The following NEK10 variants were observed in gnomAD, a reference collection of about 807,000 sequenced individuals.
NEK10 encodes the protein serine/threonine-protein kinase Nek10.
Under a neutral mutation model 159.8 loss-of-function variants are expected in NEK10, and 122 were observed. That is an observed-to-expected ratio of 0.76 (90% confidence interval 0.66 to 0.89). The LOEUF is 0.89. Ranked by LOEUF, NEK10 falls within the 40% of genes least tolerant of loss-of-function variation. The pLI is 0.00. For missense variants in NEK10, 1,342 were observed against 1,323.1 expected, an observed-to-expected ratio of 1.01 and a Z score of -0.22; for synonymous variants, 466 against 457.1, an observed-to-expected ratio of 1.02 and a Z score of -0.25.
intron 23 of NEK10, chr3:27,206,674 A>G: frequency 1.0e-6 from 1 of 971,064 alleles, no homozygotes; most frequent in Non-Finnish European, 1.2e-6. Context: ...TCAAGTGCGC[A>G]CAGAGATGAA....
In NEK10 at chr3:27,272,137, T is replaced by C. The variant is rs1042955112; in HGVS notation, c.2014+12465A>G. Among the ~76,000 whole-genome samples, 12 of 152,260 alleles carry C rather than the reference T, an allele frequency of 7.9e-5. No individual in the cohort carries two copies. In the South Asian group the frequency reaches 1.9e-3, roughly 24 times the overall value. On this transcript the variant is annotated intron_variant, in intron 22 of 35. Transcript: ENST00000691995. ...TAGATGCAAGGTATTCCCAACCCTA[T>C]CCACAGGGAACCCAGCTGTTCACAA... is the stretch of plus-strand genomic sequence containing the variant.
At chr3:27,335,577 T>C (rs1307156307) in intron 5 of NEK10, among the ~76,000 whole-genome samples, 3 of 152,172 alleles carry the variant, frequency 2.0e-5, no homozygotes, top group Non-Finnish European at 4.4e-5. Flanking sequence ...TTCTCCTCAG[T>C]ACATAGAACA....
At chr3:27,259,532 T>C (rs1007388264) in intron 22 of NEK10, among the ~76,000 whole-genome samples, 5 of 152,340 alleles carry the variant, frequency 3.3e-5, no homozygotes, top group South Asian at 4.1e-4. Flanking sequence ...TGGTTGTAGA[T>C]ATGCGGCATT....
intron 11 of NEK10, among the ~76,000 whole-genome samples, chr3:27,306,305 T>C (rs1259533858): frequency 6.6e-6 from 1 of 152,158 alleles, no homozygotes; most frequent in East Asian, 1.9e-4. Flanking sequence ...TATAAATCCC[T>C]CTTTCATCTA....
intron 5 of NEK10, among the ~76,000 whole-genome samples, chr3:27,330,127 G>C (rs2046294774): frequency 7.4e-6 from 1 of 135,496 alleles, no homozygotes; most frequent in African/African-American, 2.5e-5. Flanking sequence ...AGAACCCTTG[G>C]ATATCAAGGG....
At chr3:27,130,666 AAATAAG>A (rs970934888) in intron 32 of NEK10, among the ~76,000 whole-genome samples, 2 of 152,198 alleles carry the variant, frequency 1.3e-5, no homozygotes, top group African/African-American at 2.4e-5. Context: ...TAAGAATATA[AAATAAG>A]AATAAGAGTT....
intron 23 of NEK10, among the ~76,000 whole-genome samples, chr3:27,243,626 C>A (rs1287474230): frequency 1.3e-5 from 2 of 152,064 alleles, no homozygotes; most frequent in Admixed American, 6.5e-5. Context: ...TTATAAAATT[C>A]TTAGTTAGTG....
intron 31 of NEK10, among the ~76,000 whole-genome samples, chr3:27,140,266 T>G (rs1424567769): frequency 1.3e-5 from 2 of 152,168 alleles, no homozygotes; most frequent in Admixed American, 1.3e-4. Context: ...CTCACACAGT[T>G]TCCAGATGCA....
intron 26 of NEK10, among the ~76,000 whole-genome samples, chr3:27,185,398 G>A (rs1468495151): frequency 6.6e-6 from 1 of 152,178 alleles, no homozygotes; most frequent in Non-Finnish European, 1.5e-5. Flanking sequence ...GGGTAGGAAT[G>A]TGGAAGATGG....
At chr3:27,286,545 C>CATTTT (rs773749339) in intron 20 of NEK10, among the ~76,000 whole-genome samples, 1 of 65,046 alleles carries the variant, frequency 1.5e-5, no homozygotes, top group Non-Finnish European at 2.5e-5. Context: ...CCACGCCCAG[C>CATTTT]TTTTTTTTTT....
At chr3:27,343,921 T>C (rs142221249) in intron 5 of NEK10, among the ~76,000 whole-genome samples, 32 of 152,334 alleles carry the variant, frequency 2.1e-4, no homozygotes, top group Middle Eastern at 3.4e-3. Flanking sequence ...AATCAGTCAT[T>C]AAATCACTGC....
intron 26 of NEK10, among the ~76,000 whole-genome samples, chr3:27,178,360 C>A (rs1947737733): frequency 6.6e-6 from 1 of 152,040 alleles, no homozygotes; most frequent in Non-Finnish European, 1.5e-5. Flanking sequence ...GAAAGAAAAT[C>A]AAGAAATAAA....
intron 19 of NEK10, among the ~76,000 whole-genome samples, chr3:27,288,271 C>G (rs533763274): frequency 5.3e-5 from 8 of 152,270 alleles, no homozygotes; most frequent in Middle Eastern, 3.4e-3. Context: ...CAGTTTAAGT[C>G]ATAATAACAG....
chr3:27,325,208 A>G (rs184361561), intron 5 of NEK10, among the ~76,000 whole-genome samples: 245 of 152,330 alleles, frequency 1.6e-3, no homozygotes, highest in African/African-American at 5.5e-3. Context: ...AGCTAGTTCC[A>G]TAGTGGTGCT....
intron 22 of NEK10, among the ~76,000 whole-genome samples, chr3:27,284,159 G>A (rs1359841754): frequency 2.6e-5 from 4 of 152,122 alleles, no homozygotes; most frequent in Non-Finnish European, 5.9e-5. Context: ...GACGAGGAGG[G>A]TGGATCACAC....
At chr3:27,254,379 C>T (rs1365015286) in intron 23 of NEK10, among the ~76,000 whole-genome samples, 1 of 152,156 alleles carries the variant, frequency 6.6e-6, no homozygotes, top group Non-Finnish European at 1.5e-5. Context: ...CTTTCCCTCC[C>T]AATCTCACTT....
intron 5 of NEK10, among the ~76,000 whole-genome samples, chr3:27,323,294 C>G (rs939646677): frequency 1.3e-5 from 2 of 152,196 alleles, no homozygotes; most frequent in African/African-American, 4.8e-5. Flanking sequence ...ACTACTGAAG[C>G]TGTTGCCATT....
chr3:27,157,921 T>A (rs2148792104), intron 30 of NEK10, among the ~76,000 whole-genome samples: 1 of 152,322 alleles, frequency 6.6e-6, no homozygotes, highest in Non-Finnish European at 1.5e-5. Context: ...TTGTTAAAAG[T>A]CTCAGATGAT....
At chr3:27,155,686 G>T (rs1009359351) in intron 30 of NEK10, among the ~76,000 whole-genome samples, 12 of 152,076 alleles carry the variant, frequency 7.9e-5, no homozygotes, top group African/African-American at 2.9e-4. Context: ...GGGATGAGTA[G>T]AATCAATATT....
Sources: allele counts gnomAD v4.1 joint callset (sites outside exome capture counted in the v4.1 genomes callset), GRCh38; gene constraint gnomAD v4.1.1; transcripts MANE v1.5; gene names NCBI Gene and HGNC (gene_info 2026-07-23, HGNC 2026-07-21).